Variants in RNGTT observed in about 807,000 individuals in gnomAD.
RNGTT encodes the protein mRNA-capping enzyme.
A neutral mutation model predicts 79.3 loss-of-function variants in RNGTT; 33 were observed. The ratio of observed to expected loss-of-function variants is 0.42; its 90% CI spans 0.32 to 0.56. The LOEUF (loss-of-function observed/expected upper bound fraction) is 0.56. Among genes scored for constraint, RNGTT ranks in the 20% least tolerant of loss-of-function variants. The pLI is 0.17. For missense variants in RNGTT, 497 were observed against 739.1 expected, an observed-to-expected ratio of 0.67 and a Z score of 3.80; for synonymous variants, 222 against 235.9, an observed-to-expected ratio of 0.94 and a Z score of 0.54.
intron 11 of RNGTT, among the ~76,000 whole-genome samples, chr6:88,826,825 TA>T (rs1253331744): frequency 1.3e-4 from 2 of 15,610 alleles, no homozygotes; most frequent in African/African-American, 5.8e-4. Context: ...TATGTGTGTG[TA>T]TATATATATA....
intron 13 of RNGTT, among the ~76,000 whole-genome samples, chr6:88,726,599 G>C (rs935285471): frequency 8.5e-5 from 13 of 152,106 alleles, no homozygotes; most frequent in African/African-American, 2.9e-4. Flanking sequence ...GAGGATAGAT[G>C]GTTCCTCCTG....
At chr6:88,847,707 T>C (rs1254580142) in intron 10 of RNGTT, among the ~76,000 whole-genome samples, 11 of 152,096 alleles carry the variant, frequency 7.2e-5, no homozygotes, top group African/African-American at 1.7e-4. Context: ...AAAATATAGA[T>C]TAATTTCTTA....
intron 14 of RNGTT, among the ~76,000 whole-genome samples, chr6:88,622,024 G>A (rs923930862): frequency 1.3e-5 from 2 of 152,024 alleles, no homozygotes; most frequent in African/African-American, 4.8e-5. Flanking sequence ...ATTTGTTTCT[G>A]CTTTCTTCAG....
chr6:88,613,786 A>G (rs1772120230), intron 15 of RNGTT, among the ~76,000 whole-genome samples: 1 of 152,198 alleles, frequency 6.6e-6, no homozygotes, highest in Admixed American at 6.5e-5. Context: ...AAGCATTCAT[A>G]TTGTACCCAA....
rs138529774 is a variant in RNGTT at position 88,890,199 on chromosome 6, C to T, written c.896+296G>A. On this transcript the variant is annotated intron_variant, in intron 8 of 15. Coordinates refer to ENST00000369485, the MANE Select transcript of RNGTT (RefSeq NM_003800.5). The stretch of plus-strand genomic sequence containing the variant: ...CATTAAAAAACAAGGCAGTGGGCAG[C>T]AGACATACCAAAAACCATATCATTA... Among the ~76,000 whole-genome samples the T allele has an allele frequency of 6.0e-3, 916 of 152,142 alleles. 19 individuals carry two copies. Among genetic ancestry groups the T allele is most frequent in the African/African-American group, 0.02 (835 of 41,508 alleles).
chr6:88,922,880 C>T (rs771146941), intron 4 of RNGTT, among the ~76,000 whole-genome samples: 3 of 152,140 alleles, frequency 2.0e-5, no homozygotes, highest in Non-Finnish European at 2.9e-5. Flanking sequence ...GTCCCTGATT[C>T]GCTCTTTTAA....
intron 8 of RNGTT, among the ~76,000 whole-genome samples, chr6:88,882,290 G>A (rs1202272249): frequency 6.6e-6 from 1 of 152,110 alleles, no homozygotes; most frequent in East Asian, 1.9e-4. Flanking sequence ...TGAGATATGT[G>A]CTGAAGCTCT....
At chr6:88,673,865 C>T (rs1238878663) in intron 14 of RNGTT, among the ~76,000 whole-genome samples, 2 of 152,228 alleles carry the variant, frequency 1.3e-5, no homozygotes, top group Non-Finnish European at 2.9e-5. Context: ...ATAAGCTTCT[C>T]TCTTTTTAGT....
chr6:88,788,195 T>C (rs548100338), intron 12 of RNGTT, among the ~76,000 whole-genome samples: 7 of 152,106 alleles, frequency 4.6e-5, no homozygotes, highest in African/African-American at 1.7e-4. Context: ...CTGAGTAACA[T>C]GCTGATAAAA....
chr6:88,667,576 T>C (rs912012473), intron 14 of RNGTT, among the ~76,000 whole-genome samples: 3 of 152,008 alleles, frequency 2.0e-5, no homozygotes, highest in East Asian at 3.9e-4. Context: ...AGTGTGTACA[T>C]ACTCTGGGTG....
intron 8 of RNGTT, among the ~76,000 whole-genome samples, chr6:88,866,789 C>T (rs926464296): frequency 6.6e-6 from 1 of 152,126 alleles, no homozygotes; most frequent in African/African-American, 2.4e-5. Context: ...AAATGAGCTG[C>T]CATCTATTTA....
chr6:88,676,241 T>A (rs978911665), intron 14 of RNGTT, among the ~76,000 whole-genome samples: 1 of 152,120 alleles, frequency 6.6e-6, no homozygotes, highest in Non-Finnish European at 1.5e-5. Flanking sequence ...AGTCCAGAAA[T>A]AGATTCACAC....
Position 88,823,259 on chromosome 6 carries a change from C to T in RNGTT, c.1269+21098G>A, listed in dbSNP as rs563197939. ...CTGACTGAACAACATGGTGAAACCC[C>T]GTCTCTACTAAAAATACAAAAAATT... On this transcript the variant is annotated intron_variant, in intron 11 of 15. Coordinates refer to ENST00000369485, the MANE Select transcript of RNGTT (RefSeq NM_003800.5). 1.6e-4 allele frequency among the ~76,000 whole-genome samples: 24 copies of T among 152,008 alleles called. No homozygotes were observed. In the South Asian group the frequency reaches 4.2e-3, roughly 26 times the overall value.
chr6:88,837,348 A>C (rs1305436752), intron 11 of RNGTT, among the ~76,000 whole-genome samples: 1 of 152,088 alleles, frequency 6.6e-6, no homozygotes, highest in East Asian at 1.9e-4. Context: ...AGTGAGCTAT[A>C]ATTGTGTCAC....
chr6:88,646,702 T>A (rs1212864048), intron 14 of RNGTT, among the ~76,000 whole-genome samples: 4 of 152,074 alleles, frequency 2.6e-5, no homozygotes, highest in Admixed American at 6.6e-5. Context: ...AGGGACATGG[T>A]TGAAGCTGGA....
chr6:88,722,219 G>T (rs1449607801), intron 13 of RNGTT, among the ~76,000 whole-genome samples: 1 of 151,738 alleles, frequency 6.6e-6, no homozygotes, highest in East Asian at 1.9e-4. Flanking sequence ...CTACCATCTA[G>T]TCACTTGTAT....
intron 13 of RNGTT, among the ~76,000 whole-genome samples, chr6:88,693,857 ATC>A (rs1284980892): frequency 6.6e-6 from 1 of 152,212 alleles, no homozygotes; most frequent in Non-Finnish European, 1.5e-5. Flanking sequence ...AACTCAAGTG[ATC>A]ATCTCATTAG....
At chr6:88,811,016 T>G (rs1780120854) in intron 11 of RNGTT, among the ~76,000 whole-genome samples, 1 of 152,228 alleles carries the variant, frequency 6.6e-6, no homozygotes, top group South Asian at 2.1e-4. Flanking sequence ...GATGACATAA[T>G]TACAATTTCT....
intron 13 of RNGTT, among the ~76,000 whole-genome samples, chr6:88,732,643 T>C (rs1411313768): frequency 6.6e-6 from 1 of 152,224 alleles, no homozygotes; most frequent in Admixed American, 6.5e-5. Context: ...AAATGTGGTA[T>C]ATAGATATAA....
Sources: allele counts gnomAD v4.1 joint callset (sites outside exome capture counted in the v4.1 genomes callset), GRCh38; gene constraint gnomAD v4.1.1; transcripts MANE v1.5; gene names NCBI Gene and HGNC (gene_info 2026-07-23, HGNC 2026-07-21).